RASA4B: variants seen among roughly 807,000 people sequenced by gnomAD.
The protein encoded by RASA4B is ras GTPase-activating protein 4B.
RASA4B carries 2 observed loss-of-function variants against 24.2 expected under a neutral mutation model. The ratio of observed to expected loss-of-function variants is 0.08; its 90% CI spans 0.03 to 0.26. The LOEUF (loss-of-function observed/expected upper bound fraction) is 0.26, where lower values mean the gene tolerates loss of function less well. RASA4B is among the 10% of genes least tolerant of loss of function. The pLI is 1.00. For synonymous variants in RASA4B, 2 were observed against 125.6 expected (o/e 0.02, Z 6.58); for missense variants, 8 against 277.2 (o/e 0.03, Z 6.90).
At chr7:102,506,273 A>G (rs4729806) in intron 5 of RASA4B, among the ~76,000 whole-genome samples, 6,386 of 127,768 alleles carry the variant, frequency 0.05, no homozygotes, top group Middle Eastern at 0.094. Context: ...TTTTTTTGAG[A>G]TACAGTCTCG....
intron 4 of RASA4B, among the ~76,000 whole-genome samples, chr7:102,508,775 TTTTA>T (rs1179629506): frequency 3.6e-4 from 53 of 147,306 alleles, no homozygotes; most frequent in Non-Finnish European, 6.6e-4. Flanking sequence ...CCGGCCTCTA[TTTTA>T]TTTTTTATTT....
chr7:102,481,214 CTTTT>C lies in RASA4B; in HGVS notation c.*2374_*2377del, dbSNP rs538913748. On this transcript the variant is annotated 3_prime_UTR_variant, in exon 21 of 21. Coordinates refer to ENST00000465829, the MANE Select transcript of RASA4B (RefSeq NM_001367767.2). ...AAATTTCAAGTCTCCTTTATTTTCC[CTTTT>C]TTTTTTTTTTTTTTTTAATTTTAGG... Among the ~76,000 whole-genome samples the C allele has an allele frequency of 2.0e-4, 13 of 64,824 alleles. 1 individual carries two copies. In the East Asian group the frequency reaches 2.8e-3, roughly 14 times the overall value. The allele number at this position is 64,824 out of a possible 152,430, so 42.5% of individuals were successfully genotyped here. A position where few individuals can be genotyped will look rare whatever the true frequency, so the allele number is the denominator to read the frequency against.
rs1329816235 is a variant in RASA4B, at chr7:102,502,761, A to G, written c.510+402T>C. Among the ~76,000 whole-genome samples, 43 of 122,942 alleles carry G rather than the reference A, an allele frequency of 3.5e-4. No homozygotes were observed. In the South Asian group the frequency reaches 8.5e-3, roughly 24 times the overall value. The allele number at this position is 122,942 out of a possible 152,430, so 80.7% of individuals were successfully genotyped here. A position where few individuals can be genotyped will look rare whatever the true frequency, so the allele number is the denominator to read the frequency against. On this transcript the variant is annotated intron_variant, in intron 6 of 20. Coordinates refer to ENST00000465829, the MANE Select transcript of RASA4B (RefSeq NM_001367767.2). ...GGTGACAGGGTGGGACTTGGCCTCA[A>G]AAAAAAAAAACACCACGAAACACAA...
intron 8 of RASA4B, among the ~76,000 whole-genome samples, chr7:102,498,636 G>A (rs1165108855): frequency 2.5e-3 from 318 of 129,296 alleles, no homozygotes; most frequent in African/African-American, 8.4e-3. Flanking sequence ...TGCAACCTCC[G>A]TCTCCTGGGT....
At chr7:102,484,762 T>A (rs1170397674) in intron 19 of RASA4B, among the ~76,000 whole-genome samples, 1 of 149,602 alleles carries the variant, frequency 6.7e-6, no homozygotes, top group African/African-American at 2.4e-5. Context: ...GCCAGGGAAC[T>A]CAGGGAATTG....
Position 102,479,980 on chromosome 7 carries a change from T to C in RASA4B, c.*3612A>G, listed in dbSNP as rs1389001559. Among the ~76,000 whole-genome samples, 1 of 152,160 alleles carries C rather than the reference T, an allele frequency of 6.6e-6. No individual in the cohort carries two copies. The highest frequency in any genetic ancestry group is 2.4e-5 in the African/African-American group (1 of 41,462). ...ATATGAATCATTAATCATTAGTTTG[T>C]AGTAATTATTCTTTATTCCAATATT... is the stretch of plus-strand genomic sequence containing the variant. On this transcript the variant is annotated 3_prime_UTR_variant, in exon 21 of 21. Coordinates refer to ENST00000465829, the MANE Select transcript of RASA4B (RefSeq NM_001367767.2).
At chr7:102,491,469 T>A (rs1482362320) in intron 16 of RASA4B, among the ~76,000 whole-genome samples, 1 of 48,830 alleles carries the variant, frequency 2.0e-5, no homozygotes, top group Non-Finnish European at 9.1e-5. Flanking sequence ...AGTCCCAGGC[T>A]CTAATAGTCA....
At chr7:102,504,724 G>A (rs867093768) in intron 5 of RASA4B, among the ~76,000 whole-genome samples, 2,051 of 140,800 alleles carry the variant, frequency 0.015, 1 homozygote, top group Admixed American at 0.036. Context: ...AACAGCCCGG[G>A]TGCAGTGGCT....
In RASA4B at chr7:102,480,161, C is replaced by T. The variant is rs1346802398; in HGVS notation, c.*3431G>A. Among the ~76,000 whole-genome samples the T allele has an allele frequency of 6.6e-6, 1 of 152,068 alleles. No homozygotes were observed. The highest frequency in any genetic ancestry group is 2.4e-5 in the African/African-American group (1 of 41,404). On this transcript the variant is annotated 3_prime_UTR_variant, in exon 21 of 21. Transcript: ENST00000465829. ...AGAGGGCTCCTTGGTCTAGCGGTAACGCCAGCATCTGGGAAGACACCTGTT... is the reference window on the plus strand; with the variant it reads ...AGAGGGCTCCTTGGTCTAGCGGTAATGCCAGCATCTGGGAAGACACCTGTT...
chr7:102,512,559 T>A (rs1397084935), intron 1 of RASA4B, among the ~76,000 whole-genome samples: 1 of 312 alleles, frequency 3.2e-3, no homozygotes, highest in Non-Finnish European at 5.7e-3. Context: ...AGGGAAGGGG[T>A]GAGAGGGAGG....
Position 102,502,679 on chromosome 7 carries a change from C to A in RASA4B, c.510+484G>T, listed in dbSNP as rs62484767. On this transcript the variant is annotated intron_variant, in intron 6 of 20. Transcript: ENST00000465829. ...TGTGGCTGAGGCAGGAGAATCTCTCCAACTGGGAAGGCAGAGCCTGCAGTG... is the reference window on the plus strand; with the variant it reads ...TGTGGCTGAGGCAGGAGAATCTCTCAAACTGGGAAGGCAGAGCCTGCAGTG... Among the ~76,000 whole-genome samples, 104 of 90,876 alleles carry A rather than the reference C, an allele frequency of 1.1e-3. 21 individuals carry two copies. Among genetic ancestry groups the A allele is most frequent in the Non-Finnish European group, 1.9e-3 (63 of 33,182 alleles). The allele number at this position is 90,876 out of a possible 152,430, so 59.6% of individuals were successfully genotyped here.
rs538913748 is a variant in RASA4B at position 102,481,214 on chromosome 7, CTTTTT to C, written c.*2373_*2377del. 1.4e-4 allele frequency among the ~76,000 whole-genome samples: 9 copies of C among 64,822 alleles called. 2 individuals are homozygous for C. Among genetic ancestry groups the C allele is most frequent in the Admixed American group, 3.7e-4 (2 of 5,358 alleles). 42.5% of individuals were successfully genotyped at this position (64,822 alleles called of 152,430 possible). On this transcript the variant is annotated 3_prime_UTR_variant, in exon 21 of 21. Transcript: ENST00000465829. ...AAATTTCAAGTCTCCTTTATTTTCCCTTTTTTTTTTTTTTTTTTTTAATTTTAGGG... is the reference window on the plus strand; with the variant it reads ...AAATTTCAAGTCTCCTTTATTTTCCCTTTTTTTTTTTTTTTAATTTTAGGG...
chr7:102,504,707 A>G (rs1799437193), intron 5 of RASA4B, among the ~76,000 whole-genome samples: 1 of 147,514 alleles, frequency 6.8e-6, no homozygotes, highest in African/African-American at 2.5e-5. Flanking sequence ...CCACCAAAAA[A>G]AAAAAAAACA....
At chr7:102,498,246 C>A (rs1249894818) in intron 8 of RASA4B, among the ~76,000 whole-genome samples, 1 of 149,648 alleles carries the variant, frequency 6.7e-6, no homozygotes, top group Non-Finnish European at 1.5e-5. Context: ...AGTGCATGGT[C>A]ATTCTTCTTC....
At chr7:102,517,275 C>CA (rs367759102) in intron 1 of RASA4B, among the ~76,000 whole-genome samples, 2 of 120 alleles carry the variant, frequency 0.017, no homozygotes, top group Non-Finnish European at 0.083. Context: ...TTGCGGGGGA[C>CA]ACCCCACCCC....
chr7:102,498,422 C>T (rs1313243041), intron 8 of RASA4B, among the ~76,000 whole-genome samples: 34 of 138,626 alleles, frequency 2.5e-4, no homozygotes, highest in Middle Eastern at 4.6e-3. Flanking sequence ...CCACCACATC[C>T]GGGTAATTTT....
At chr7:102,489,573 A>T (rs1798831672) in intron 17 of RASA4B, among the ~76,000 whole-genome samples, 1 of 146,400 alleles carries the variant, frequency 6.8e-6, no homozygotes, top group African/African-American at 2.5e-5. Flanking sequence ...GCTCACTGCA[A>T]CCTCCACCTC....
At chr7:102,491,585 T>C (rs1798946652) in intron 16 of RASA4B, among the ~76,000 whole-genome samples, 1 of 56,514 alleles carries the variant, frequency 1.8e-5, no homozygotes, top group African/African-American at 2.9e-5. Flanking sequence ...CTGACAAACA[T>C]GGAGGAACTC....
chr7:102,481,662 T>A lies in RASA4B; in HGVS notation c.*1930A>T. On this transcript the variant is annotated 3_prime_UTR_variant, in exon 21 of 21. Coordinates refer to ENST00000465829, the MANE Select transcript of RASA4B (RefSeq NM_001367767.2). ...GCCTGGGCAACACAGTGAGACTCTG[T>A]CTCAAAAAAAAAAAAAAAAAAAATT... Among the ~76,000 whole-genome samples, 1 of 66,974 alleles carries A rather than the reference T, an allele frequency of 1.5e-5. No homozygotes were observed. The allele number at this position is 66,974 out of a possible 152,430, so 43.9% of individuals were successfully genotyped here. A position where few individuals can be genotyped will look rare whatever the true frequency, so the allele number is the denominator to read the frequency against.
Sources: allele counts gnomAD v4.1 joint callset (sites outside exome capture counted in the v4.1 genomes callset), GRCh38; gene constraint gnomAD v4.1.1; transcripts MANE v1.5; gene names NCBI Gene and HGNC (gene_info 2026-07-23, HGNC 2026-07-21).